The following ANGPT1 variants were observed in gnomAD, a reference collection of about 807,000 sequenced individuals.
ANGPT1 encodes angiopoietin 1.
In ANGPT1, 17 loss-of-function variants were observed where a neutral mutation model predicts 62.2. The observed-to-expected ratio is 0.27, with a 90% CI of 0.19 to 0.41. The LOEUF (loss-of-function observed/expected upper bound fraction) is 0.41, where lower values mean the gene tolerates loss of function less well. Among genes scored for constraint, ANGPT1 ranks in the 10% least tolerant of loss-of-function variants. The pLI is 1.00. For synonymous variants in ANGPT1, 199 were observed against 198.9 expected (o/e 1.00, Z 0.00); for missense variants, 478 against 594.9 (o/e 0.80, Z 2.04).
intron 1 of ANGPT1, among the ~76,000 whole-genome samples, chr8:107,347,336 A>T (rs1364641460): frequency 1.3e-5 from 2 of 152,156 alleles, no homozygotes. Flanking sequence ...GACAATTTGC[A>T]CTTGGATCAC....
chr8:107,260,929 A>C (rs1813476165), intron 8 of ANGPT1, among the ~76,000 whole-genome samples: 1 of 152,212 alleles, frequency 6.6e-6, no homozygotes, highest in Non-Finnish European at 1.5e-5. Flanking sequence ...AAGTTTTCTC[A>C]TTGAAAACCA....
intron 1 of ANGPT1, among the ~76,000 whole-genome samples, chr8:107,497,043 C>G (rs1293762944): frequency 1.3e-5 from 2 of 152,186 alleles, no homozygotes; most frequent in African/African-American, 4.8e-5. Flanking sequence ...GGGCTAGACA[C>G]ACAAACGGGG....
chr8:107,464,367 T>C (rs1812147364), intron 1 of ANGPT1, among the ~76,000 whole-genome samples: 1 of 152,164 alleles, frequency 6.6e-6, no homozygotes, highest in African/African-American at 2.4e-5. Flanking sequence ...ATTTTGAATG[T>C]AATTTTCAGT....
rs756460117 is a variant in ANGPT1 at position 107,322,019 on chromosome 8, T to C, written c.685A>G (p.Ile229Val). The C allele has an allele frequency of 3.3e-5, 54 of 1,613,914 alleles. No individual in the cohort carries two copies. The highest frequency in any genetic ancestry group is 4.4e-5 in the South Asian group (4 of 91,090). ...LQGLVTRQTYIIQELEKQLNR... is the reference protein window; with the variant it reads ...LQGLVTRQTYVIQELEKQLNR... ...AATTGCTTTTCCAGCTCCTGGATTATATATGTTTGACGAGTAACCAAGCCT... is the reference window on the plus strand; with the variant it reads ...AATTGCTTTTCCAGCTCCTGGATTACATATGTTTGACGAGTAACCAAGCCT... Residue 229 changes from isoleucine to valine, a missense_variant, in exon 4 of 9, where the codon ATA (isoleucine) becomes GTA (valine). Ile to Val is a conservative substitution (Grantham distance 29, BLOSUM62 3). Coordinates refer to ENST00000517746, the MANE Select transcript of ANGPT1 (RefSeq NM_001146.5).
At chr8:107,465,374 T>A (rs1419385493) in intron 1 of ANGPT1, among the ~76,000 whole-genome samples, 1 of 152,160 alleles carries the variant, frequency 6.6e-6, no homozygotes, top group Non-Finnish European at 1.5e-5. Context: ...TACCTTGTCA[T>A]AATAAGAACT....
intron 8 of ANGPT1, among the ~76,000 whole-genome samples, chr8:107,261,223 T>C (rs1010665444): frequency 1.8e-4 from 28 of 151,918 alleles, no homozygotes; most frequent in African/African-American, 6.8e-4. Flanking sequence ...GTAATAAAAA[T>C]AAAAATTTTC....
At chr8:107,398,359 A>G (rs1816976795) in intron 1 of ANGPT1, among the ~76,000 whole-genome samples, 1 of 152,154 alleles carries the variant, frequency 6.6e-6, no homozygotes, top group Non-Finnish European at 1.5e-5. Flanking sequence ...TTTAAATGTT[A>G]AAAATCCATT....
chr8:107,426,219 C>A (rs1321230142), intron 1 of ANGPT1, among the ~76,000 whole-genome samples: 1 of 152,060 alleles, frequency 6.6e-6, no homozygotes, highest in African/African-American at 2.4e-5. Context: ...TCCTGAAGGT[C>A]AGGCTTCACT....
chr8:107,259,441 T>A (rs1343364106), intron 8 of ANGPT1, among the ~76,000 whole-genome samples: 1 of 152,152 alleles, frequency 6.6e-6, no homozygotes, highest in Non-Finnish European at 1.5e-5. Flanking sequence ...TATGGCTTTA[T>A]CCCCTATTTA....
At chr8:107,446,411 T>C (rs1234211208) in intron 1 of ANGPT1, among the ~76,000 whole-genome samples, 1 of 152,210 alleles carries the variant, frequency 6.6e-6, no homozygotes. Context: ...TGCTACCATA[T>C]TGGACAATAC....
intron 2 of ANGPT1, among the ~76,000 whole-genome samples, chr8:107,343,484 T>C (rs955509248): frequency 6.6e-6 from 1 of 152,108 alleles, no homozygotes; most frequent in African/African-American, 2.4e-5. Context: ...CCTGCCACAA[T>C]GAGTGGAAGT....
At chr8:107,303,942 C>G (rs1034847221) in intron 4 of ANGPT1, among the ~76,000 whole-genome samples, 1 of 151,880 alleles carries the variant, frequency 6.6e-6, no homozygotes, top group Middle Eastern at 3.2e-3. Context: ...GAATCAACAA[C>G]TCTTAACAAT....
chr8:107,415,545 T>C lies in ANGPT1; in HGVS notation c.298-68448A>G, dbSNP rs988053988. Among the ~76,000 whole-genome samples the C allele has an allele frequency of 2.6e-5, 4 of 152,194 alleles. No homozygotes were observed. In the South Asian group the frequency reaches 6.2e-4, roughly 24 times the overall value. On this transcript the variant is annotated intron_variant, in intron 1 of 8. Transcript: ENST00000517746. ...TTTACCCATTAAAACCTCACTCAAA[T>C]AGATATCAAGTATCTCTTATATCCT...
At chr8:107,352,076 G>A (rs1287085913) in intron 1 of ANGPT1, among the ~76,000 whole-genome samples, 1 of 152,142 alleles carries the variant, frequency 6.6e-6, no homozygotes, top group Non-Finnish European at 1.5e-5. Context: ...AGATTGACCA[G>A]TAGCTTGTGC....
chr8:107,258,751 ATTC>A (rs1166496547), intron 8 of ANGPT1, among the ~76,000 whole-genome samples: 2 of 152,156 alleles, frequency 1.3e-5, no homozygotes, highest in Non-Finnish European at 2.9e-5. Flanking sequence ...GGGTTTGGTT[ATTC>A]TTAAGTTAGT....
At chr8:107,398,170 CA>C (rs1463546099) in intron 1 of ANGPT1, among the ~76,000 whole-genome samples, 1 of 152,080 alleles carries the variant, frequency 6.6e-6, no homozygotes, top group Non-Finnish European at 1.5e-5. Flanking sequence ...TCAATATGCC[CA>C]AAAGAGTAGA....
intron 1 of ANGPT1, among the ~76,000 whole-genome samples, chr8:107,480,330 T>C (rs62514482): frequency 0.053 from 8,010 of 152,332 alleles, 242 homozygotes; most frequent in South Asian, 0.11. Flanking sequence ...ATAAGGTATC[T>C]ATTTAAAAGA....
At chr8:107,319,985 T>G (rs776837713) in intron 4 of ANGPT1, among the ~76,000 whole-genome samples, 1 of 152,168 alleles carries the variant, frequency 6.6e-6, no homozygotes, top group Non-Finnish European at 1.5e-5. Flanking sequence ...AAGATTCATT[T>G]CAGAGTTTTG....
At chr8:107,329,282 T>C (rs1815365078) in intron 3 of ANGPT1, among the ~76,000 whole-genome samples, 1 of 152,060 alleles carries the variant, frequency 6.6e-6, no homozygotes, top group South Asian at 2.1e-4. Context: ...GCAGGTGGTA[T>C]GGTGTAGGGG....
Sources: allele counts gnomAD v4.1 joint callset (sites outside exome capture counted in the v4.1 genomes callset), GRCh38; gene constraint gnomAD v4.1.1; transcripts MANE v1.5; gene names NCBI Gene and HGNC (gene_info 2026-07-23, HGNC 2026-07-21).